The following WIPF2 variants were observed in gnomAD, a reference collection of about 807,000 sequenced individuals.
WIPF2 encodes the protein WAS/WASL interacting protein family member 2.
WIPF2 carries 23 observed loss-of-function variants against 38.8 expected under a neutral mutation model. The ratio of observed to expected loss-of-function variants is 0.59; its 90% CI spans 0.43 to 0.84. The LOEUF is 0.84. WIPF2 is among the 40% of genes least tolerant of loss of function. WIPF2 has a pLI of 0.00. For synonymous variants in WIPF2, 210 were observed against 223.2 expected (o/e 0.94, Z 0.53); for missense variants, 574 against 580.5 (o/e 0.99, Z 0.11).
intron 1 of WIPF2, among the ~76,000 whole-genome samples, chr17:40,229,661 A>G (rs187610691): frequency 5.5e-4 from 84 of 152,248 alleles, no homozygotes; most frequent in Middle Eastern, 3.4e-3. Flanking sequence ...ACCTCAAGTG[A>G]TCTTCCTGCC....
chr17:40,251,877 A>G (rs2031571902), intron 1 of WIPF2, among the ~76,000 whole-genome samples: 1 of 152,238 alleles, frequency 6.6e-6, no homozygotes, highest in African/African-American at 2.4e-5. Flanking sequence ...TGGAGCCAGA[A>G]GAAAGCTTGA....
chr17:40,254,823 C>T (rs951637192), intron 1 of WIPF2, among the ~76,000 whole-genome samples: 10 of 152,028 alleles, frequency 6.6e-5, no homozygotes, highest in African/African-American at 1.7e-4. Context: ...CTCCACCTCC[C>T]GGATTCAAGC....
intron 1 of WIPF2, among the ~76,000 whole-genome samples, chr17:40,250,663 A>G (rs2031529439): frequency 1.3e-5 from 2 of 152,062 alleles, no homozygotes; most frequent in African/African-American, 2.4e-5. Flanking sequence ...AAGAGCACAG[A>G]TGGTGAGGTT....
At chr17:40,247,200 T>C (rs1598480235) in intron 1 of WIPF2, among the ~76,000 whole-genome samples, 1 of 151,220 alleles carries the variant, frequency 6.6e-6, no homozygotes, top group South Asian at 2.1e-4. Flanking sequence ...TTAATTCTTA[T>C]TTCAGGGTTT....
intron 4 of WIPF2, among the ~76,000 whole-genome samples, chr17:40,263,545 G>GT (rs996373272): frequency 1.0e-5 from 1 of 97,872 alleles, no homozygotes; most frequent in East Asian, 3.0e-4. Context: ...TTATTTATTC[G>GT]TCCCCCCCCC....
At chr17:40,250,219 GTTTT>G (rs1170849046) in intron 1 of WIPF2, among the ~76,000 whole-genome samples, 2 of 62,506 alleles carry the variant, frequency 3.2e-5, no homozygotes, top group African/African-American at 6.4e-5. Flanking sequence ...ATTTTATCAT[GTTTT>G]TTTTTTTTTT....
chr17:40,254,851 C>T (rs757176734), intron 1 of WIPF2, among the ~76,000 whole-genome samples: 1 of 152,020 alleles, frequency 6.6e-6, no homozygotes, highest in Non-Finnish European at 1.5e-5. Context: ...CTGTCTGAGC[C>T]TCCCGAGTAG....
rs571085371 is a variant in WIPF2, at chr17:40,274,557, GAAAAAAAAAAAAAAAAAAAA to G, written c.1180+570_1180+589del. ...CATCCAGCCTTTCCTTGGAATTCTT[GAAAAAAAAAAAAAAAAAAAA>G]AAAAAAAAAAAGAAAAGTCCCATGG... On this transcript the variant is annotated intron_variant, in intron 6 of 7. Coordinates refer to ENST00000323571, the MANE Select transcript of WIPF2 (RefSeq NM_133264.5). Among the ~76,000 whole-genome samples the G allele has an allele frequency of 1.3e-3, 31 of 24,784 alleles. No individual in the cohort carries two copies. In the South Asian group the frequency reaches 0.034, roughly 27 times the overall value. The allele number at this position is 24,784 out of a possible 152,430, so 16.3% of individuals were successfully genotyped here.
In WIPF2 at chr17:40,283,197, A is replaced by G. The variant is rs1420080491; in HGVS notation, c.*4972A>G. 1 of 135,312 alleles carries G rather than the reference A, an allele frequency of 7.4e-6. No individual in the cohort carries two copies. Among genetic ancestry groups the G allele is most frequent in the Non-Finnish European group, 1.6e-5 (1 of 64,438 alleles). 8.4% of individuals were successfully genotyped at this position (135,312 alleles called of 1,614,324 possible). On this transcript the variant is annotated 3_prime_UTR_variant, in exon 8 of 8. Transcript: ENST00000323571. ...AAAAAAAAAAAAAAAAAAAAATTCT[A>G]GAGTTCTAGTTACCCTTCCTGGGAG...
At chr17:40,248,021 G>C (rs2031427491) in intron 1 of WIPF2, among the ~76,000 whole-genome samples, 2 of 151,758 alleles carry the variant, frequency 1.3e-5, no homozygotes, top group African/African-American at 2.4e-5. Context: ...TCTGAAACCT[G>C]GTTGAAAAAT....
Position 40,229,350 on chromosome 17 carries a change from G to A in WIPF2, c.-70+9858G>A, listed in dbSNP as rs574492842. 8.5e-5 allele frequency among the ~76,000 whole-genome samples: 13 copies of A among 152,050 alleles called. No individual in the cohort carries two copies. In the South Asian group the frequency reaches 1.2e-3, roughly 15 times the overall value. ...TCGAACTCCTGACCTCAGGTGATCCGCCCACCTCGGCGTCCCAAAGTGCTG... is the reference window on the plus strand; with the variant it reads ...TCGAACTCCTGACCTCAGGTGATCCACCCACCTCGGCGTCCCAAAGTGCTG... On this transcript the variant is annotated intron_variant, in intron 1 of 7. Coordinates refer to ENST00000323571, the MANE Select transcript of WIPF2 (RefSeq NM_133264.5).
At position 40,277,073 on chromosome 17, in the gene WIPF2, C is replaced by T. The variant is rs758539284; in HGVS notation, c.1181-10C>T. 6.8e-6 allele frequency: 11 copies of T among 1,606,398 alleles called. No individual in the cohort carries two copies. The highest frequency in any genetic ancestry group is 6.8e-5 in the Admixed American group (4 of 59,062). On this transcript the variant is annotated splice_polypyrimidine_tract_variant and intron_variant, in intron 6 of 7. Coordinates refer to ENST00000323571, the MANE Select transcript of WIPF2 (RefSeq NM_133264.5). Reference sequence around the variant, plus strand: ...GGATGATAGGAATTAATGTTCTATTCTTTTCGCAGATGATTTTGAGTCAAA... The same window carrying T: ...GGATGATAGGAATTAATGTTCTATTTTTTTCGCAGATGATTTTGAGTCAAA...
chr17:40,221,018 G>A (rs2030212526), intron 1 of WIPF2, among the ~76,000 whole-genome samples: 1 of 151,852 alleles, frequency 6.6e-6, no homozygotes. Flanking sequence ...TCCTGACCTC[G>A]TGATCCGCCC....
In WIPF2 at chr17:40,264,918, C is replaced by G. The variant is rs1244676698; in HGVS notation, c.742C>G (p.Leu248Val). The G allele has an allele frequency of 6.2e-7, 1 of 1,614,116 alleles. No homozygotes were observed. Among genetic ancestry groups the G allele is most frequent in the African/African-American group, 1.3e-5 (1 of 74,950 alleles). The change falls in exon 5 of 8, where the codon CTG becomes GTG. Residue 248 changes from leucine to valine, a missense_variant. By Grantham distance (32) the Leu-to-Val change is conservative (BLOSUM62 1). Transcript: ENST00000323571. The part of the protein sequence containing the change: ...NIRTGPSGQS[L>V]APPPPPYRQP... Reference sequence around the variant, plus strand: ...CAGAACAGGACCAAGTGGCCAGTCTCTGGCTCCTCCTCCTCCGCCTTACCG... The same window carrying G: ...CAGAACAGGACCAAGTGGCCAGTCTGTGGCTCCTCCTCCTCCGCCTTACCG...
intron 1 of WIPF2, among the ~76,000 whole-genome samples, chr17:40,229,065 A>G (rs1267098476): frequency 6.6e-6 from 1 of 151,204 alleles, no homozygotes; most frequent in Admixed American, 6.6e-5. Context: ...CACCATGGCT[A>G]ATTTTTGTAG....
chr17:40,253,652 G>C (rs1261023243), intron 1 of WIPF2, among the ~76,000 whole-genome samples: 2 of 152,202 alleles, frequency 1.3e-5, no homozygotes, highest in Non-Finnish European at 2.9e-5. Context: ...TCCCTTGGAG[G>C]GAATTTATCG....
chr17:40,272,941 G>A (rs765997585), intron 5 of WIPF2, among the ~76,000 whole-genome samples: 2 of 152,204 alleles, frequency 1.3e-5, no homozygotes, highest in African/African-American at 4.8e-5. Context: ...TCCTAACCTA[G>A]CCTAGCAATA....
intron 1 of WIPF2, among the ~76,000 whole-genome samples, chr17:40,220,243 C>T (rs1173983466): frequency 6.6e-6 from 1 of 151,528 alleles, no homozygotes; most frequent in Non-Finnish European, 1.5e-5. Flanking sequence ...TCCCAGAGTG[C>T]TGGGATTACA....
chr17:40,220,908 T>G (rs2030205917), intron 1 of WIPF2, among the ~76,000 whole-genome samples: 1 of 151,476 alleles, frequency 6.6e-6, no homozygotes. Flanking sequence ...CCCGAGTAGC[T>G]GGGACTATAG....
Sources: allele counts gnomAD v4.1 joint callset (sites outside exome capture counted in the v4.1 genomes callset), GRCh38; gene constraint gnomAD v4.1.1; transcripts MANE v1.5; gene names NCBI Gene and HGNC (gene_info 2026-07-23, HGNC 2026-07-21).